The following ASRGL1 variants were observed in gnomAD, a reference collection of about 807,000 sequenced individuals.
ASRGL1 encodes asparaginase and isoaspartyl peptidase 1, also known as isoaspartyl peptidase/L-asparaginase.
A neutral mutation model predicts 22.4 loss-of-function variants in ASRGL1; 16 were observed. The ratio of observed to expected loss-of-function variants is 0.71; its 90% CI spans 0.48 to 1.08. The LOEUF (loss-of-function observed/expected upper bound fraction) is 1.08. ASRGL1 is among the 50% of genes least tolerant of loss of function. ASRGL1 has a pLI of 0.00. For missense variants in ASRGL1, 412 were observed against 410.1 expected (o/e 1.00, Z -0.04); for synonymous variants, 165 against 159.3 (o/e 1.04, Z -0.27).
At chr11:62,353,532 C>A (rs1246794347) in intron 2 of ASRGL1, among the ~76,000 whole-genome samples, 4 of 151,150 alleles carry the variant, frequency 2.6e-5, no homozygotes, top group Non-Finnish European at 5.9e-5. Context: ...GAGATGGGGT[C>A]TTGCTGTGTT....
At chr11:62,386,055 G>T (rs568597439) in intron 4 of ASRGL1, among the ~76,000 whole-genome samples, 3 of 152,146 alleles carry the variant, frequency 2.0e-5, no homozygotes, top group East Asian at 1.9e-4. Context: ...CCAGGTACTC[G>T]GGAGGCTTAG....
Position 62,390,307 on chromosome 11 carries a change from C to G in ASRGL1, c.610+1056C>G, listed in dbSNP as rs554637056. ...GAACTCTCTGTCCAGCTGTGAGCACCAGGTGTGCTCTGCCTGGCCTTCTGA... is the reference window on the plus strand; with the variant it reads ...GAACTCTCTGTCCAGCTGTGAGCACGAGGTGTGCTCTGCCTGGCCTTCTGA... On this transcript the variant is annotated intron_variant, in intron 5 of 6. Coordinates refer to ENST00000415229, the MANE Select transcript of ASRGL1 (RefSeq NM_001083926.2). Among the ~76,000 whole-genome samples, 21 of 152,326 alleles carry G rather than the reference C, an allele frequency of 1.4e-4. No individual in the cohort carries two copies. In the East Asian group the frequency reaches 3.9e-3, roughly 28 times the overall value.
Position 62,392,511 on chromosome 11 carries a change from G to A in ASRGL1, c.*227G>A, listed in dbSNP as rs933911157. The A allele has an allele frequency of 1.7e-6, 1 of 577,054 alleles. No homozygotes were observed. The highest frequency in any genetic ancestry group is 3.1e-6 in the Non-Finnish European group (1 of 325,202). 35.7% of individuals were successfully genotyped at this position (577,054 alleles called of 1,614,324 possible). ...TTGAGCCCAGGAGGTCAAAGCTGAG[G>A]TGAGCCATGATTACTCCACTGCACT... On this transcript the variant is annotated 3_prime_UTR_variant, in exon 7 of 7. Transcript: ENST00000415229.
chr11:62,379,287 T>A (rs1947007160), intron 4 of ASRGL1, among the ~76,000 whole-genome samples: 1 of 152,224 alleles, frequency 6.6e-6, no homozygotes, highest in African/African-American at 2.4e-5. Context: ...TCTGCTCCAG[T>A]GTCTACCAAC....
downstream of ASRGL1, among the ~76,000 whole-genome samples, chr11:62,396,918 T>C (rs1486838907): frequency 6.6e-6 from 1 of 152,212 alleles, no homozygotes; most frequent in African/African-American, 2.4e-5. Context: ...AGGTTGAGTC[T>C]TCCTGTCCTA....
intron 4 of ASRGL1, among the ~76,000 whole-genome samples, chr11:62,387,074 T>G (rs1947232249): frequency 7.1e-6 from 1 of 141,160 alleles, no homozygotes; most frequent in Non-Finnish European, 1.6e-5. Flanking sequence ...TTTTTTTTTT[T>G]GTATTTTTAG....
intron 2 of ASRGL1, among the ~76,000 whole-genome samples, chr11:62,352,127 A>G (rs1401255738): frequency 1.3e-5 from 2 of 152,186 alleles, no homozygotes; most frequent in Non-Finnish European, 2.9e-5. Context: ...GGGGCCTCCA[A>G]GGAAGTAATT....
At chr11:62,372,305 G>T in intron 4 of ASRGL1, 1 of 1,603,160 alleles carries the variant, frequency 6.2e-7, no homozygotes, top group African/African-American at 1.3e-5. Context: ...ACAAGATGGG[G>T]CAGCTGGGCC....
At position 62,385,626 on chromosome 11, in the gene ASRGL1, T is replaced by A. The variant is rs376856439; in HGVS notation, c.492-3507T>A. ...ACGCCTGTAATCCCAGCAGCTTGGG[T>A]GGCTGAGGCGGGTGGATCACTTGAG... On this transcript the variant is annotated intron_variant, in intron 4 of 6. Coordinates refer to ENST00000415229, the MANE Select transcript of ASRGL1 (RefSeq NM_001083926.2). 3.7e-4 allele frequency among the ~76,000 whole-genome samples: 57 copies of A among 152,258 alleles called. 1 individual carries two copies. The highest frequency in any genetic ancestry group is 2.9e-3 in the East Asian group (15 of 5,160).
At chr11:62,401,016 C>G in the ASRGL1 span, among the ~76,000 whole-genome samples, 2 of 152,220 alleles carry the variant, frequency 1.3e-5, no homozygotes, top group African/African-American at 2.4e-5. Flanking sequence ...GAGCTCCTCA[C>G]TAGGGAAGGC....
intron 3 of ASRGL1, 72 bp downstream of exon 3, chr11:62,356,539 G>C: frequency 6.6e-7 from 1 of 1,512,216 alleles, no homozygotes; most frequent in Non-Finnish European, 9.1e-7. Flanking sequence ...GGCTCCAACT[G>C]TGCAGAAATA....
In ASRGL1 at chr11:62,389,407, G is replaced by C. The variant is rs746424583; in HGVS notation, c.610+156G>C. ...CTGGGAGTGACAATGGGGTTGGAAG[G>C]GGTTGTTCGGGGTGCTGCCTTGAGA... On this transcript the variant is annotated intron_variant, in intron 5 of 6. Transcript: ENST00000415229. 1.2e-5 allele frequency: 9 copies of C among 752,996 alleles called. No individual in the cohort carries two copies. In the African/African-American group the frequency reaches 1.5e-4, roughly 13 times the overall value. The allele number at this position is 752,996 out of a possible 1,614,324, so 46.6% of individuals were successfully genotyped here.
At chr11:62,346,808 A>AAGT (rs141898513) in intron 2 of ASRGL1, among the ~76,000 whole-genome samples, 33,921 of 151,728 alleles carry the variant, frequency 0.22, 4,533 homozygotes, top group South Asian at 0.36. Flanking sequence ...CATCTCTACT[A>AAGT]AAACTACAAA....
intron 2 of ASRGL1, among the ~76,000 whole-genome samples, chr11:62,342,775 A>G (rs972497327): frequency 2.0e-5 from 3 of 151,990 alleles, no homozygotes; most frequent in Non-Finnish European, 4.4e-5. Context: ...AAAAAAAGTC[A>G]TAAATGGAAT....
At chr11:62,398,679 G>T in the ASRGL1 span, among the ~76,000 whole-genome samples, 4 of 152,066 alleles carry the variant, frequency 2.6e-5, no homozygotes, top group African/African-American at 9.7e-5. Context: ...TCCCGCTAGC[G>T]GCGGCGGCTC....
At chr11:62,365,085 A>G (rs1195362084) in intron 4 of ASRGL1, among the ~76,000 whole-genome samples, 2 of 151,966 alleles carry the variant, frequency 1.3e-5, no homozygotes, top group Non-Finnish European at 2.9e-5. Flanking sequence ...AAAAAAAAGA[A>G]AGAAACATTG....
intron 4 of ASRGL1, among the ~76,000 whole-genome samples, chr11:62,360,076 G>A (rs1457414810): frequency 1.3e-5 from 2 of 149,062 alleles, no homozygotes; most frequent in Non-Finnish European, 3.0e-5. Flanking sequence ...GTGTTGCCCA[G>A]GCTGGAGTGC....
chr11:62,369,801 C>T (rs1364818555), intron 4 of ASRGL1, among the ~76,000 whole-genome samples: 1 of 152,108 alleles, frequency 6.6e-6, no homozygotes, highest in Non-Finnish European at 1.5e-5. Context: ...GATGCTCAGA[C>T]TCATTATAAA....
At chr11:62,399,359 C>G in the ASRGL1 span, among the ~76,000 whole-genome samples, 9 of 152,178 alleles carry the variant, frequency 5.9e-5, no homozygotes, top group Non-Finnish European at 1.3e-4. Context: ...CACTTGGACT[C>G]GTGTAGAGAA....
Sources: allele counts gnomAD v4.1 joint callset (sites outside exome capture counted in the v4.1 genomes callset), GRCh38; gene constraint gnomAD v4.1.1; transcripts MANE v1.5; gene names NCBI Gene and HGNC (gene_info 2026-07-23, HGNC 2026-07-21).